CNOT6L: variants seen among roughly 807,000 people sequenced by gnomAD.
CNOT6L encodes the protein CCR4-NOT transcription complex subunit 6 like.
CNOT6L carries 7 observed loss-of-function variants against 64.0 expected under a neutral mutation model. The observed-to-expected ratio is 0.11, with a 90% confidence interval of 0.06 to 0.21. The LOEUF is 0.21. CNOT6L is among the 10% of genes least tolerant of loss of function. The probability of loss-of-function intolerance (pLI) is 1.00; values close to 1 mark genes in which losing one functional copy is unlikely to be tolerated. For synonymous variants in CNOT6L, 193 were observed against 243.4 expected (o/e 0.79, Z 1.93); for missense variants, 245 against 669.0 (o/e 0.37, Z 6.99).
At position 77,805,439 on chromosome 4, in the gene CNOT6L, A is replaced by G. The variant is rs144538030; in HGVS notation, c.5+13865T>C. On this transcript the variant is annotated intron_variant, in intron 1 of 11. Transcript: ENST00000504123. ...TGTGAATTTATATAGAAAAAAAATTACATCACCATTTTCACTAATCTCTAA... is the reference window on the plus strand; with the variant it reads ...TGTGAATTTATATAGAAAAAAAATTGCATCACCATTTTCACTAATCTCTAA... Among the ~76,000 whole-genome samples, 796 of 152,312 alleles carry G rather than the reference A, an allele frequency of 5.2e-3. 5 individuals are homozygous for G. Among genetic ancestry groups the G allele is most frequent in the South Asian group, 0.011 (51 of 4,828 alleles).
intron 11 of CNOT6L, among the ~76,000 whole-genome samples, chr4:77,722,257 C>T (rs185400914): frequency 5.9e-5 from 9 of 152,124 alleles, no homozygotes; most frequent in East Asian, 1.9e-4. Flanking sequence ...TTATGTTGAA[C>T]AGAATCTCCT....
intron 5 of CNOT6L, among the ~76,000 whole-genome samples, chr4:77,754,887 G>GAAAAAAAAAAAAAAA (rs1725286474): frequency 1.6e-4 from 2 of 12,298 alleles, no homozygotes; most frequent in Non-Finnish European, 3.6e-4. Context: ...AACATTAGAA[G>GAAAAAAAAAAAAAAA]TAAAAAAAAA....
chr4:77,803,596 A>G (rs1166552959), intron 1 of CNOT6L, among the ~76,000 whole-genome samples: 3 of 152,184 alleles, frequency 2.0e-5, no homozygotes, highest in African/African-American at 7.2e-5. Context: ...ATGGATTACA[A>G]TGAAGCCATT....
intron 11 of CNOT6L, among the ~76,000 whole-genome samples, chr4:77,724,254 G>A (rs1368393217): frequency 6.6e-6 from 1 of 151,946 alleles, no homozygotes; most frequent in Non-Finnish European, 1.5e-5. Flanking sequence ...ACAGGCTGAG[G>A]TGGGAGGATT....
chr4:77,779,903 G>T (rs1431387064), intron 1 of CNOT6L, among the ~76,000 whole-genome samples: 1 of 152,180 alleles, frequency 6.6e-6, no homozygotes, highest in East Asian at 1.9e-4. Flanking sequence ...GGCGGAGCTT[G>T]CAGTGAGACG....
intron 4 of CNOT6L, among the ~76,000 whole-genome samples, chr4:77,772,335 C>T (rs1270100927): frequency 5.3e-5 from 8 of 152,064 alleles, no homozygotes; most frequent in African/African-American, 1.7e-4. Context: ...TGGGTTCAAG[C>T]GATTTTCCAG....
chr4:77,741,809 T>C (rs17002800), intron 8 of CNOT6L, among the ~76,000 whole-genome samples: 3,223 of 152,250 alleles, frequency 0.021, 104 homozygotes, highest in African/African-American at 0.074. Context: ...AGATCACTTA[T>C]GGCCAACCTT....
chr4:77,725,716 A>C (rs1721775609), intron 11 of CNOT6L, among the ~76,000 whole-genome samples: 2 of 152,238 alleles, frequency 1.3e-5, no homozygotes, highest in South Asian at 4.1e-4. Flanking sequence ...CTAAGATATC[A>C]ATGGAAAGTA....
intron 4 of CNOT6L, among the ~76,000 whole-genome samples, chr4:77,759,272 G>A (rs961858001): frequency 5.3e-5 from 8 of 151,272 alleles, no homozygotes; most frequent in South Asian, 2.1e-4. Flanking sequence ...ACTTTAAAAC[G>A]AGATGGGTTG....
intron 1 of CNOT6L, among the ~76,000 whole-genome samples, chr4:77,787,824 G>A (rs747364528): frequency 4.6e-5 from 7 of 152,140 alleles, no homozygotes; most frequent in Admixed American, 1.3e-4. Context: ...AATCTTGTAA[G>A]CAGGTATTAC....
At chr4:77,763,920 T>TTA (rs1397063070) in intron 4 of CNOT6L, among the ~76,000 whole-genome samples, 1 of 152,242 alleles carries the variant, frequency 6.6e-6, no homozygotes, top group African/African-American at 2.4e-5. Context: ...TTAAAAATAC[T>TTA]TAGACCGAAA....
chr4:77,733,256 C>T (rs1178908213), intron 8 of CNOT6L, among the ~76,000 whole-genome samples: 1 of 151,962 alleles, frequency 6.6e-6, no homozygotes, highest in Admixed American at 6.6e-5. Context: ...GTCTCAGTGT[C>T]CAATTTTTGT....
chr4:77,782,981 AT>A (rs1729035716), intron 1 of CNOT6L, among the ~76,000 whole-genome samples: 1 of 152,088 alleles, frequency 6.6e-6, no homozygotes, highest in Admixed American at 6.5e-5. Context: ...ATAAAGAACA[AT>A]TTCATTAGCA....
rs1466899511 is a variant in CNOT6L at position 77,729,071 on chromosome 4, A to G, written c.1035T>C (p.Pro345=). ...HKELFGAGMK[P]IHAADKQLLI... ...GCAGCTGTTTGTCTGCAGCATGAATAGGCTTCATACCTAAATTTAAACATT... is the reference window on the plus strand; with the variant it reads ...GCAGCTGTTTGTCTGCAGCATGAATGGGCTTCATACCTAAATTTAAACATT... The change falls in exon 10 of 12, where the codon CCT becomes CCC. Residue 345 remains proline (P), a synonymous_variant. Coordinates refer to ENST00000504123, the MANE Select transcript of CNOT6L (RefSeq NM_144571.3). 3 of 1,610,918 alleles carry G rather than the reference A, an allele frequency of 1.9e-6. No homozygotes were observed. The highest frequency in any genetic ancestry group is 2.5e-6 in the Non-Finnish European group (3 of 1,177,750).
intron 5 of CNOT6L, among the ~76,000 whole-genome samples, chr4:77,753,401 T>G (rs546167118): frequency 2.4e-4 from 37 of 152,280 alleles, no homozygotes; most frequent in African/African-American, 8.7e-4. Flanking sequence ...CTGGGCGCAC[T>G]GGCTCAAACC....
intron 1 of CNOT6L, among the ~76,000 whole-genome samples, chr4:77,781,341 G>A (rs978236970): frequency 4.6e-5 from 7 of 152,022 alleles, no homozygotes; most frequent in African/African-American, 1.7e-4. Flanking sequence ...AGAACTTAAA[G>A]TAAAATTTTA....
intron 1 of CNOT6L, among the ~76,000 whole-genome samples, chr4:77,814,455 GA>G: frequency 6.6e-6 from 1 of 152,184 alleles, no homozygotes; most frequent in East Asian, 1.9e-4. Flanking sequence ...TTATGTCTCA[GA>G]ATGTCTATAA....
Position 77,755,925 on chromosome 4 carries a change from C to CA in CNOT6L, c.490+936dup, listed in dbSNP as rs35900749. 9.2e-3 allele frequency among the ~76,000 whole-genome samples: 1,197 copies of CA among 129,716 alleles called. 11 individuals carry two copies. Among genetic ancestry groups the CA allele is most frequent in the African/African-American group, 0.03 (1,054 of 35,196 alleles). The allele number at this position is 129,716 out of a possible 152,430, so 85.1% of individuals were successfully genotyped here. ...TTTACTCATATTTTCAGAGCTTAGG[C>CA]AAAAAAAAAAAAAAGTTTTAAATCA... On this transcript the variant is annotated intron_variant, in intron 5 of 11. Transcript: ENST00000504123.
intron 4 of CNOT6L, among the ~76,000 whole-genome samples, chr4:77,760,859 G>GTTTTTT (rs1205413604): frequency 2.2e-4 from 8 of 37,156 alleles, no homozygotes; most frequent in Non-Finnish European, 3.9e-4. Context: ...ACCATGCCTG[G>GTTTTTT]CTTTTTTTTT....
Sources: allele counts gnomAD v4.1 joint callset (sites outside exome capture counted in the v4.1 genomes callset), GRCh38; gene constraint gnomAD v4.1.1; transcripts MANE v1.5; gene names NCBI Gene and HGNC (gene_info 2026-07-23, HGNC 2026-07-21).